SGCD: variants seen among roughly 807,000 people sequenced by gnomAD.
SGCD encodes the protein delta-sarcoglycan.
Under a neutral mutation model 36.6 loss-of-function variants are expected in SGCD, and 18 were observed. The ratio of observed to expected loss-of-function variants is 0.49; its 90% CI spans 0.34 to 0.73. The LOEUF (loss-of-function observed/expected upper bound fraction) is 0.73, where lower values mean the gene tolerates loss of function less well. Ranked by LOEUF, SGCD falls within the 30% of genes least tolerant of loss-of-function variation. The pLI is 0.01. For missense variants in SGCD, 387 were observed against 346.7 expected (o/e 1.12, Z -0.92); for synonymous variants, 133 against 130.6 (o/e 1.02, Z -0.12).
upstream of SGCD, among the ~76,000 whole-genome samples, chr5:156,325,237 G>A (rs142016970): frequency 8.6e-5 from 13 of 151,800 alleles, no homozygotes; most frequent in East Asian, 2.5e-3. Flanking sequence ...AAGGTGACAG[G>A]CCCCTATTAC....
At chr5:156,492,779 G>T (rs1283748967) in intron 3 of SGCD, among the ~76,000 whole-genome samples, 3 of 152,046 alleles carry the variant, frequency 2.0e-5, no homozygotes, top group Non-Finnish European at 4.4e-5. Flanking sequence ...TGTTCTCATT[G>T]TTCAACTCCC....
chr5:156,755,152 A>G (rs771711359), intron 7 of SGCD, among the ~76,000 whole-genome samples: 3 of 152,196 alleles, frequency 2.0e-5, no homozygotes, highest in Non-Finnish European at 4.4e-5. Context: ...AGATTTGTCC[A>G]TGGTCATTTA....
intron 1 of SGCD, among the ~76,000 whole-genome samples, chr5:156,019,608 A>G (rs1224905954): frequency 2.6e-5 from 4 of 152,204 alleles, no homozygotes; most frequent in Non-Finnish European, 4.4e-5. Context: ...CATGTGACTT[A>G]TTTCATATGA....
At chr5:156,387,767 G>C (rs572190058) in intron 3 of SGCD, among the ~76,000 whole-genome samples, 1 of 152,300 alleles carries the variant, frequency 6.6e-6, no homozygotes, top group East Asian at 1.9e-4. Context: ...TCCTTATTTA[G>C]GGGAATGTGC....
intron 2 of SGCD, among the ~76,000 whole-genome samples, chr5:156,121,768 A>G (rs1004875387): frequency 6.6e-6 from 1 of 152,094 alleles, no homozygotes; most frequent in African/African-American, 2.4e-5. Context: ...TTGTTGTCTA[A>G]CCCTGGATTC....
At chr5:155,767,216 C>T in the SGCD span, among the ~76,000 whole-genome samples, 6 of 152,214 alleles carry the variant, frequency 3.9e-5, no homozygotes, top group Non-Finnish European at 7.3e-5. Context: ...CGCTTTCCAT[C>T]GGCTCTCATC....
chr5:156,479,039 A>G (rs1755313793), intron 3 of SGCD, among the ~76,000 whole-genome samples: 1 of 152,216 alleles, frequency 6.6e-6, no homozygotes, highest in African/African-American at 2.4e-5. Flanking sequence ...TATACATACA[A>G]AAATTTAACA....
Position 156,329,562 on chromosome 5 carries a change from A to G in SGCD, c.-15A>G. On this transcript the variant is annotated 5_prime_UTR_variant, in exon 2 of 9. Transcript: ENST00000337851. ...CATTACTGCCGGGAGTGTTGAGTGA[A>G]GGGACCAGGTGGAGATGGTGAGTAA... is the stretch of plus-strand genomic sequence containing the variant. 1 of 1,613,382 alleles carries G rather than the reference A, an allele frequency of 6.2e-7. No homozygotes were observed. Among genetic ancestry groups the G allele is most frequent in the Non-Finnish European group, 8.5e-7 (1 of 1,179,386 alleles).
At chr5:156,460,153 G>T (rs953467861) in intron 3 of SGCD, among the ~76,000 whole-genome samples, 1 of 152,128 alleles carries the variant, frequency 6.6e-6, no homozygotes, top group African/African-American at 2.4e-5. Flanking sequence ...AGTATTGATT[G>T]CTGCATTTCA....
At chr5:156,597,142 A>T (rs1760958573) in intron 6 of SGCD, among the ~76,000 whole-genome samples, 2 of 152,176 alleles carry the variant, frequency 1.3e-5, no homozygotes, top group Admixed American at 6.6e-5. Flanking sequence ...TTATATCTGT[A>T]AAATTAGAGT....
intron 7 of SGCD, among the ~76,000 whole-genome samples, chr5:156,735,924 T>G (rs997045043): frequency 1.3e-5 from 2 of 152,186 alleles, no homozygotes; most frequent in East Asian, 3.8e-4. Context: ...TGTGTCAGAC[T>G]GAAGGCCCTG....
At chr5:156,178,024 T>C (rs1178392457) in intron 3 of SGCD, among the ~76,000 whole-genome samples, 1 of 152,216 alleles carries the variant, frequency 6.6e-6, no homozygotes, top group Non-Finnish European at 1.5e-5. Flanking sequence ...ATATCTTAAG[T>C]GTGATCAGAG....
intron 7 of SGCD, among the ~76,000 whole-genome samples, chr5:156,726,371 G>T (rs923103812): frequency 1.3e-5 from 2 of 152,122 alleles, no homozygotes; most frequent in Non-Finnish European, 2.9e-5. Context: ...ATATAAATCT[G>T]GTTGTCATCC....
At chr5:156,608,152 A>T (rs1761578739) in intron 6 of SGCD, among the ~76,000 whole-genome samples, 1 of 152,086 alleles carries the variant, frequency 6.6e-6, no homozygotes, top group African/African-American at 2.4e-5. Flanking sequence ...TCAATTTTAG[A>T]TCTTTCCTGC....
At chr5:156,000,572 A>C (rs889866748) in intron 1 of SGCD, among the ~76,000 whole-genome samples, 3 of 152,136 alleles carry the variant, frequency 2.0e-5, no homozygotes, top group African/African-American at 7.2e-5. Flanking sequence ...CATTGATGTC[A>C]ATACAAGAAG....
intron 3 of SGCD, among the ~76,000 whole-genome samples, chr5:156,395,859 C>T (rs998306855): frequency 3.3e-5 from 5 of 152,130 alleles, no homozygotes; most frequent in Non-Finnish European, 4.4e-5. Context: ...AAGTTAATCT[C>T]TAGAGTTCCT....
At chr5:156,133,309 T>C (rs1428377684) in intron 3 of SGCD, among the ~76,000 whole-genome samples, 1 of 152,228 alleles carries the variant, frequency 6.6e-6, no homozygotes, top group Non-Finnish European at 1.5e-5. Flanking sequence ...TACTTTTTGC[T>C]GAATTTTAGC....
chr5:156,683,467 C>T (rs964648952), intron 7 of SGCD, among the ~76,000 whole-genome samples: 6 of 152,056 alleles, frequency 3.9e-5, no homozygotes, highest in South Asian at 2.1e-4. Flanking sequence ...CCAAATCAGC[C>T]GACATGGTTA....
At chr5:156,287,022 A>G (rs1222255359) in intron 3 of SGCD, among the ~76,000 whole-genome samples, 1 of 152,176 alleles carries the variant, frequency 6.6e-6, no homozygotes, top group East Asian at 1.9e-4. Context: ...CCATGCTTTC[A>G]GAGTGTTTAC....
Sources: gnomAD v4.1 joint callset for allele counts (sites outside exome capture counted in the v4.1 genomes callset) on GRCh38, gnomAD v4.1.1 for gene constraint, MANE v1.5 for transcripts, NCBI Gene and HGNC (gene_info 2026-07-23, HGNC 2026-07-21) for gene names.